The following MYH7B variants were observed in gnomAD, a reference collection of about 807,000 sequenced individuals.
MYH7B encodes the protein myosin heavy chain 7B.
MYH7B carries 205 observed loss-of-function variants against 234.5 expected under a neutral mutation model. That is an observed-to-expected ratio of 0.87 (90% CI 0.78 to 0.98). The LOEUF is 0.98. MYH7B is among the 50% of genes least tolerant of loss of function. MYH7B has a pLI of 0.00. For synonymous variants in MYH7B, 1,193 were observed against 1,105.0 expected (o/e 1.08, Z -1.58); for missense variants, 2,652 against 2,633.4 (o/e 1.01, Z -0.15).
At chr20:34,985,895 C>T (rs906823064) in intron 13 of MYH7B, among the ~76,000 whole-genome samples, 4 of 152,140 alleles carry the variant, frequency 2.6e-5, no homozygotes, top group African/African-American at 9.7e-5. Context: ...ACCCATCTGG[C>T]CAGAGACACA....
intron 7 of MYH7B, chr20:34,980,356 C>G: frequency 2.1e-6 from 1 of 476,866 alleles, no homozygotes; most frequent in Non-Finnish European, 3.8e-6. Flanking sequence ...CGAGACCAGC[C>G]TGGCCAACAT....
intron 9 of MYH7B, 71 bp downstream of exon 9, chr20:34,981,131 C>A: frequency 1.3e-6 from 2 of 1,582,076 alleles, no homozygotes; most frequent in South Asian, 2.2e-5. Context: ...GTACCACAGT[C>A]ATTTCCCAGG....
chr20:35,002,192 C>G, exon 45 of MYH7B: 3 of 1,534,956 alleles, frequency 2.0e-6, no homozygotes, highest in Non-Finnish European at 2.6e-6. Flanking sequence ...GGAGTGACGG[C>G]CTGACCCCCT....
exon 41 of MYH7B, chr20:35,001,028 C>G (rs772602805): frequency 1.7e-5 from 27 of 1,613,716 alleles, no homozygotes; most frequent in Non-Finnish European, 2.2e-5. Context: ...GAGCAGGACA[C>G]AAGTGCACAC....
chr20:34,996,353 A>C, exon 29 of MYH7B: 1 of 1,588,684 alleles, frequency 6.3e-7, no homozygotes, highest in Non-Finnish European at 8.6e-7. Flanking sequence ...CAGGTGAAGA[A>C]CCTGACGGAA....
rs147249013 is a variant in MYH7B, at chr20:34,996,381, C to T, written c.2979C>T (p.Asp993=). Reference sequence around the variant, plus strand: ...TGACGGAAGAGATGGCTGCGCTGGACGAGTCAGTGGCCCGGCTGACCAAGG... The same window carrying T: ...TGACGGAAGAGATGGCTGCGCTGGATGAGTCAGTGGCCCGGCTGACCAAGG... The change falls in exon 29 of 45, where the codon GAC becomes GAT. Residue 993 remains aspartate, a synonymous_variant. Coordinates refer to ENST00000262873, the Ensembl canonical transcript of MYH7B. 634 of 1,608,060 alleles carry T rather than the reference C, an allele frequency of 3.9e-4. No individual in the cohort carries two copies. Among genetic ancestry groups the T allele is most frequent in the Non-Finnish European group, 5.2e-4 (607 of 1,177,542 alleles).
At chr20:34,999,403 A>G in exon 36 of MYH7B, 1 of 1,510,632 alleles carries the variant, frequency 6.6e-7, no homozygotes, top group South Asian at 1.3e-5. Context: ...AAGAACCTGC[A>G]GGGTAGGACC....
rs751283645 is a variant in MYH7B at position 34,998,623 on chromosome 20, A to G, written c.3987A>G (p.Glu1329=). The G allele has an allele frequency of 6.8e-6, 11 of 1,613,060 alleles. No individual in the cohort carries two copies. In the African/African-American group the frequency reaches 9.3e-5, roughly 14 times the overall value. Residue 1329 remains glutamate, a synonymous_variant, in exon 34 of 45, where the codon GAA becomes GAG. Coordinates refer to ENST00000262873, the Ensembl canonical transcript of MYH7B. ...AGTTGCGGCGCCAGCTAGAGGAGGA[A>G]AGCAAGGTGGGCTGGCACCGGTGAC...
chr20:34,997,628 G>A, exon 32 of MYH7B: 1 of 1,613,498 alleles, frequency 6.2e-7, no homozygotes, highest in South Asian at 1.1e-5. Context: ...TGGAGACTCT[G>A]ACCCGCGCCA....
chr20:34,996,702 G>C, exon 30 of MYH7B: 3 of 1,613,622 alleles, frequency 1.9e-6, no homozygotes, highest in Non-Finnish European at 1.7e-6. Context: ...AGCTGACGCA[G>C]GAGTCGGTGG....
chr20:34,956,800 A>T (rs1479940767), intron 1 of MYH7B, among the ~76,000 whole-genome samples: 2 of 152,162 alleles, frequency 1.3e-5, no homozygotes, highest in Non-Finnish European at 2.9e-5. Flanking sequence ...CAGACCTGTA[A>T]TCCCAGCACT....
At position 35,000,407 on chromosome 20, in the gene MYH7B, G is replaced by A. The variant is rs568036393; in HGVS notation, c.4896G>A (p.Leu1632=). 3 of 1,600,828 alleles carry A rather than the reference G, an allele frequency of 1.9e-6. No homozygotes were observed. The South Asian group carries it at 3.3e-5, about 18-fold the overall frequency. Residue 1632 remains leucine, a synonymous_variant, in exon 39 of 45, where the codon CTG becomes CTA. Transcript: ENST00000262873. ...AGATGGAGGGTGACCTCAACGACCT[G>A]GAGCTGCAGCTGGGCCATGCCACCC...
chr20:34,981,497 T>G, intron 9 of MYH7B: 1 of 210,620 alleles, frequency 4.7e-6, no homozygotes, highest in Non-Finnish European at 9.4e-6. Context: ...CAGGCTCATG[T>G]CCAGTCAGGC....
intron 36 of MYH7B, 67 bp downstream of exon 36, chr20:34,999,472 G>C (rs1257687352): frequency 6.6e-7 from 1 of 1,524,430 alleles, no homozygotes; most frequent in East Asian, 2.3e-5. Flanking sequence ...AGTTATGGGG[G>C]TGCCCTGGTG....
At position 34,990,725 on chromosome 20, in the gene MYH7B, T is replaced by G; in HGVS notation, c.1978-13T>G. On this transcript the variant is annotated splice_polypyrimidine_tract_variant and intron_variant, in intron 22 of 44. Transcript: ENST00000262873. ...CCCCTTTGTGCCTTTCCCTCACTCT[T>G]CCCCACTGCCAGGAGAACCTCAACA... The G allele has an allele frequency of 6.2e-7, 1 of 1,613,778 alleles. No individual in the cohort carries two copies. The highest frequency in any genetic ancestry group is 8.5e-7 in the Non-Finnish European group (1 of 1,179,782).
At position 34,982,557 on chromosome 20, in the gene MYH7B, T is replaced by C. The variant is rs1350763984; in HGVS notation, c.624+2T>C. ...GGAGACGGGCCGGGCAAGAAGGCCG[T>C]AAGACTTGCCCACTCGGGCATGCTC... On this transcript the variant is annotated splice_donor_variant, in intron 10 of 44. Coordinates refer to ENST00000262873, the Ensembl canonical transcript of MYH7B. LOFTEE classifies it high-confidence loss of function. The C allele has an allele frequency of 6.3e-7, 1 of 1,594,826 alleles. No individual in the cohort carries two copies. The highest frequency in any genetic ancestry group is 1.1e-5 in the South Asian group (1 of 89,606).
In MYH7B at chr20:34,968,330, T is replaced by C. The variant is rs1327505692; in HGVS notation, c.-221-7070T>C. On this transcript the variant is annotated intron_variant, in intron 2 of 44. Coordinates refer to ENST00000262873, the Ensembl canonical transcript of MYH7B. Reference sequence around the variant, plus strand: ...ATATCACCAGATATTTACATAGTGCTTATGATGGGTCAGGCACAGGCTAGG... The same window carrying C: ...ATATCACCAGATATTTACATAGTGCCTATGATGGGTCAGGCACAGGCTAGG... 3.9e-5 allele frequency among the ~76,000 whole-genome samples: 6 copies of C among 152,230 alleles called. No individual in the cohort carries two copies. The East Asian group carries it at 9.6e-4, about 24-fold the overall frequency.
At chr20:34,986,055 C>A in intron 13 of MYH7B, 45 bp from the exon 14 acceptor site, 4 of 1,506,114 alleles carry the variant, frequency 2.7e-6, no homozygotes, top group Non-Finnish European at 2.7e-6. Flanking sequence ...GATGTCCACT[C>A]TGGGGAGGTG....
chr20:35,001,273 C>G (rs1439096614), exon 42 of MYH7B: 5 of 1,612,430 alleles, frequency 3.1e-6, no homozygotes, highest in African/African-American at 2.7e-5. Flanking sequence ...GAGCTTGATG[C>G]AGAGCAGAAG....
Sources: allele counts gnomAD v4.1 joint callset (sites outside exome capture counted in the v4.1 genomes callset), GRCh38; gene constraint gnomAD v4.1.1; transcripts MANE v1.5; gene names NCBI Gene and HGNC (gene_info 2026-07-23, HGNC 2026-07-21).